Variants in RUNX3 observed in about 807,000 individuals in gnomAD.
The protein encoded by RUNX3 is runt-related transcription factor 3.
In RUNX3, 10 loss-of-function variants were observed where a neutral mutation model predicts 27.7. That is an observed-to-expected ratio of 0.36 (90% CI 0.22 to 0.61). The LOEUF is 0.61. RUNX3 is among the 20% of genes least tolerant of loss of function. The pLI, the probability that RUNX3 is intolerant of heterozygous loss-of-function variation, is 0.72. For missense variants in RUNX3, 469 were observed against 629.5 expected, an observed-to-expected ratio of 0.75 and a Z score of 2.73; for synonymous variants, 270 against 269.2, an observed-to-expected ratio of 1.00 and a Z score of -0.03.
At chr1:24,938,362 C>T (rs72876127) in intron 2 of RUNX3, among the ~76,000 whole-genome samples, 10,160 of 152,186 alleles carry the variant, frequency 0.067, 869 homozygotes, top group African/African-American at 0.2. Context: ...CTGGGGAAAC[C>T]GAGGCCCAGG....
chr1:24,947,506 C>A (rs1641638212), intron 2 of RUNX3, among the ~76,000 whole-genome samples: 1 of 152,182 alleles, frequency 6.6e-6, no homozygotes, highest in Non-Finnish European at 1.5e-5. Context: ...CAGCTCACCA[C>A]AAGCAGCCAA....
chr1:24,963,131 C>T (rs186745753), intron 2 of RUNX3: 178 of 152,546 alleles, frequency 1.2e-3, no homozygotes, highest in Non-Finnish European at 1.3e-3. Flanking sequence ...TTTCAGGGGA[C>T]AGCAGGCCCC....
intron 2 of RUNX3, among the ~76,000 whole-genome samples, chr1:24,954,792 G>A (rs567231042): frequency 4.1e-4 from 62 of 152,318 alleles, no homozygotes; most frequent in African/African-American, 9.1e-4. Context: ...AACAGGGCTC[G>A]TGAGTGGGTG....
At chr1:24,912,699 T>A (rs1462992599) in intron 3 of RUNX3, among the ~76,000 whole-genome samples, 1 of 151,580 alleles carries the variant, frequency 6.6e-6, no homozygotes, top group Non-Finnish European at 1.5e-5. Flanking sequence ...CATCCTATCA[T>A]ATGGGTGAAA....
At chr1:24,955,134 G>T (rs1641883824) in intron 2 of RUNX3, among the ~76,000 whole-genome samples, 1 of 152,072 alleles carries the variant, frequency 6.6e-6, no homozygotes, top group African/African-American at 2.4e-5. Context: ...CCCCAGATCT[G>T]CCCTTTCTAG....
Position 24,902,371 on chromosome 1 carries a change from G to A in RUNX3, c.999C>T (p.Tyr333=). The A allele has an allele frequency of 1.2e-6, 2 of 1,612,480 alleles. No individual in the cohort carries two copies. Among genetic ancestry groups the A allele is most frequent in the South Asian group, 1.1e-5 (1 of 91,044 alleles). ...GGTAGGAGCCAGAGGATGTCCCGTA[G>A]TAGAGGTGGTAGGGGGACGGGTTGG... The part of the protein sequence containing the change: ...FQANPSPYHL[Y]YGTSSGSYQF... Residue 333 remains tyrosine (Y), a synonymous_variant, in exon 5 of 5, where the codon TAC becomes TAT. Coordinates refer to ENST00000308873, the MANE Select transcript of RUNX3 (RefSeq NM_004350.3). This position sits in a 1 kb window ranked among gnomAD's most constrained non-coding sequence, Gnocchi z 9.2.
At position 24,904,369 on chromosome 1, in the gene RUNX3, C is replaced by T. The variant is rs1557835269; in HGVS notation, c.704-1703G>A. Reference sequence around the variant, plus strand: ...CTCTGGCCCTGGGCGTGGATCCGAACGGAGTGATGCTCCTGGCTTAAGGTA... The same window carrying T: ...CTCTGGCCCTGGGCGTGGATCCGAATGGAGTGATGCTCCTGGCTTAAGGTA... On this transcript the variant is annotated intron_variant, in intron 4 of 4. Transcript: ENST00000308873. The surrounding 1 kb of genome is among the most constrained non-coding windows in gnomAD (Gnocchi z 5.7). Among the ~76,000 whole-genome samples, 1 of 152,194 alleles carries T rather than the reference C, an allele frequency of 6.6e-6. No individual in the cohort carries two copies. Among genetic ancestry groups the T allele is most frequent in the Non-Finnish European group, 1.5e-5 (1 of 68,030 alleles).
chr1:24,917,586 T>A (rs2124277738), intron 3 of RUNX3, among the ~76,000 whole-genome samples: 1 of 152,240 alleles, frequency 6.6e-6, no homozygotes, highest in Middle Eastern at 3.4e-3. Flanking sequence ...TTGCCCTAGG[T>A]CACACTGCAG....
intron 2 of RUNX3, among the ~76,000 whole-genome samples, chr1:24,960,218 G>A (rs1001793707): frequency 6.6e-6 from 1 of 152,238 alleles, no homozygotes; most frequent in African/African-American, 2.4e-5. Context: ...CGGGCTCCCA[G>A]TACAAGGCCA....
At position 24,927,801 on chromosome 1, in the gene RUNX3, G is replaced by T; in HGVS notation, c.283-71C>A. On this transcript the variant is annotated intron_variant, in intron 1 of 4. Transcript: ENST00000308873. This position sits in a 1 kb window ranked among gnomAD's most constrained non-coding sequence, Gnocchi z 5.0. Reference sequence around the variant, plus strand: ...AAGAGGGTGACCAGGGAAAGGAGGGGAGGGGCTGGGCTGGGCAGCTCCCCC... The same window carrying T: ...AAGAGGGTGACCAGGGAAAGGAGGGTAGGGGCTGGGCTGGGCAGCTCCCCC... The T allele has an allele frequency of 3.5e-6, 5 of 1,419,104 alleles. No individual in the cohort carries two copies. The highest frequency in any genetic ancestry group is 4.0e-6 in the Non-Finnish European group (4 of 1,005,618). The allele number at this position is 1,419,104 out of a possible 1,614,324, so 87.9% of individuals were successfully genotyped here. A position where few individuals can be genotyped will look rare whatever the true frequency, so the allele number is the denominator to read the frequency against.
chr1:24,929,428 C>T (rs1472564875), intron 1 of RUNX3, 159 bp downstream of exon 1: 2 of 772,456 alleles, frequency 2.6e-6, no homozygotes, highest in African/African-American at 3.4e-5. Flanking sequence ...CGCCGAGGTC[C>T]CGGAGCCGAG....
chr1:24,954,232 C>T (rs993384769), intron 2 of RUNX3, among the ~76,000 whole-genome samples: 2 of 152,126 alleles, frequency 1.3e-5, no homozygotes, highest in African/African-American at 4.8e-5. Flanking sequence ...TTGAGATTAC[C>T]GAGCTTATTT....
rs371235501 is a variant in RUNX3 at position 24,919,052 on chromosome 1, C to T, written c.544+188G>A. Among the ~76,000 whole-genome samples, 4 of 152,380 alleles carry T rather than the reference C, an allele frequency of 2.6e-5. No individual in the cohort carries two copies. The East Asian group carries it at 5.8e-4, about 22-fold the overall frequency. On this transcript the variant is annotated intron_variant, in intron 3 of 4. Coordinates refer to ENST00000308873, the MANE Select transcript of RUNX3 (RefSeq NM_004350.3). ...TCTCCACTCCCAGCCTCCTCGCTGG[C>T]CTCCCACGGTCTCAGGCTAAGCCCA...
chr1:24,929,238 G>A (rs1485812390), intron 1 of RUNX3: 1 of 544,884 alleles, frequency 1.8e-6, no homozygotes, highest in African/African-American at 1.9e-5. Context: ...CCTTGCCCCT[G>A]TCCCGGGATC....
At position 24,909,955 on chromosome 1, in the gene RUNX3, G is replaced by T. The variant is rs562445168; in HGVS notation, c.545-2538C>A. 7.7e-4 allele frequency among the ~76,000 whole-genome samples: 117 copies of T among 152,296 alleles called. 1 individual carries two copies. The highest frequency in any genetic ancestry group is 2.8e-3 in the African/African-American group (115 of 41,558). Reference sequence around the variant, plus strand: ...GGAAGCTTGTTGGAGGCCACACGCCGAACAAGGGGTGGGATTTCCTGGACC... The same window carrying T: ...GGAAGCTTGTTGGAGGCCACACGCCTAACAAGGGGTGGGATTTCCTGGACC... On this transcript the variant is annotated intron_variant, in intron 3 of 4. Coordinates refer to ENST00000308873, the MANE Select transcript of RUNX3 (RefSeq NM_004350.3).
chr1:24,925,612 C>T (rs1200864522), intron 2 of RUNX3, among the ~76,000 whole-genome samples: 2 of 152,132 alleles, frequency 1.3e-5, no homozygotes, highest in African/African-American at 2.4e-5. Context: ...GGGACTCAAA[C>T]GCAGGGTGGC....
At chr1:24,931,518 CTG>C (rs762251670), upstream of RUNX3, among the ~76,000 whole-genome samples, 1 of 152,226 alleles carries the variant, frequency 6.6e-6, no homozygotes, top group Non-Finnish European at 1.5e-5. Flanking sequence ...TCCCTAGACT[CTG>C]GGGAACGAAC....
intron 2 of RUNX3, among the ~76,000 whole-genome samples, chr1:24,946,857 G>C (rs1377374512): frequency 6.6e-6 from 1 of 152,176 alleles, no homozygotes; most frequent in Non-Finnish European, 1.5e-5. Context: ...CTCCTCCAGA[G>C]AAAAGCCTTG....
intron 2 of RUNX3, among the ~76,000 whole-genome samples, chr1:24,926,764 A>G (rs1220809616): frequency 1.3e-5 from 2 of 152,156 alleles, no homozygotes; most frequent in Non-Finnish European, 2.9e-5. Flanking sequence ...GTGCTTGGGA[A>G]GGGCGACTCC....
Sources: gnomAD v4.1 joint callset for allele counts (sites outside exome capture counted in the v4.1 genomes callset) on GRCh38, gnomAD v4.1.1 for gene constraint, Gnocchi (gnomAD v3.1) non-coding constraint, MANE v1.5 for transcripts, NCBI Gene and HGNC (gene_info 2026-07-23, HGNC 2026-07-21) for gene names.